The following LRRC4C variants were observed in gnomAD, a reference collection of about 807,000 sequenced individuals.
The protein encoded by LRRC4C is leucine rich repeat containing 4C, also known as leucine-rich repeat-containing protein 4C.
LRRC4C carries 5 observed loss-of-function variants against 33.6 expected under a neutral mutation model. That is an observed-to-expected ratio of 0.15 (90% CI 0.08 to 0.31). The LOEUF is 0.31. Ranked by LOEUF, LRRC4C falls within the 10% of genes least tolerant of loss-of-function variation. The pLI is 1.00. For synonymous variants in LRRC4C, 329 were observed against 302.0 expected (o/e 1.09, Z -0.93); for missense variants, 560 against 796.7 (o/e 0.70, Z 3.58).
chr11:41,413,186 A>G (rs1954554179), intron 1 of LRRC4C, among the ~76,000 whole-genome samples: 1 of 152,192 alleles, frequency 6.6e-6, no homozygotes, highest in Non-Finnish European at 1.5e-5. Flanking sequence ...CTGTTCATAC[A>G]AGGAATGGAA....
At chr11:40,239,650 C>A (rs1338312676) in intron 5 of LRRC4C, among the ~76,000 whole-genome samples, 1 of 152,168 alleles carries the variant, frequency 6.6e-6, no homozygotes, top group African/African-American at 2.4e-5. Flanking sequence ...CTCTCTAGAT[C>A]CTGTTTATTC....
intron 1 of LRRC4C, among the ~76,000 whole-genome samples, chr11:41,365,451 T>C (rs925149210): frequency 1.3e-5 from 2 of 152,108 alleles, no homozygotes; most frequent in Admixed American, 6.6e-5. Flanking sequence ...ACTTGAATTA[T>C]CTCAACAACA....
chr11:41,402,741 A>C (rs1954073036), intron 1 of LRRC4C, among the ~76,000 whole-genome samples: 1 of 152,032 alleles, frequency 6.6e-6, no homozygotes, highest in African/African-American at 2.4e-5. Context: ...GTAAATACCA[A>C]GAAACAGGGC....
chr11:41,011,649 C>G (rs566406172), intron 1 of LRRC4C, among the ~76,000 whole-genome samples: 1 of 151,844 alleles, frequency 6.6e-6, no homozygotes, highest in South Asian at 2.1e-4. Context: ...CAACTGGCCA[C>G]GTACTCCAAA....
chr11:40,724,960 G>A (rs538293443), intron 2 of LRRC4C, among the ~76,000 whole-genome samples: 1 of 152,118 alleles, frequency 6.6e-6, no homozygotes, highest in Non-Finnish European at 1.5e-5. Context: ...AAGACCCCAC[G>A]AATCTCACAT....
intron 2 of LRRC4C, among the ~76,000 whole-genome samples, chr11:40,844,286 CTATT>C (rs1367098631): frequency 6.6e-6 from 1 of 151,672 alleles, no homozygotes; most frequent in Non-Finnish European, 1.5e-5. Flanking sequence ...TGAATCAGTG[CTATT>C]TATTTGTTAA....
chr11:40,610,017 A>C (rs2135875110), intron 3 of LRRC4C, among the ~76,000 whole-genome samples: 1 of 152,152 alleles, frequency 6.6e-6, no homozygotes, highest in African/African-American at 2.4e-5. Context: ...ATCGAAAAAG[A>C]GGCAACAGTT....
chr11:41,016,963 C>G (rs1188615026), intron 1 of LRRC4C, among the ~76,000 whole-genome samples: 3 of 152,150 alleles, frequency 2.0e-5, no homozygotes, highest in Non-Finnish European at 4.4e-5. Context: ...TCATACAACT[C>G]GGATAATTTT....
intron 2 of LRRC4C, among the ~76,000 whole-genome samples, chr11:40,928,826 G>C (rs1957496364): frequency 6.6e-6 from 1 of 151,986 alleles, no homozygotes; most frequent in South Asian, 2.1e-4. Context: ...AATAATAATT[G>C]TTCTATGCTA....
At chr11:40,536,145 T>C (rs1039556673) in intron 3 of LRRC4C, among the ~76,000 whole-genome samples, 2 of 152,190 alleles carry the variant, frequency 1.3e-5, no homozygotes, top group African/African-American at 2.4e-5. Context: ...GGCTCTTCCC[T>C]AGAATTCATA....
chr11:40,966,028 A>G (rs1042949257), intron 1 of LRRC4C, among the ~76,000 whole-genome samples: 3 of 151,866 alleles, frequency 2.0e-5, no homozygotes, highest in African/African-American at 4.8e-5. Context: ...ATTTGTTTGT[A>G]TCCTCTTTTA....
intron 3 of LRRC4C, among the ~76,000 whole-genome samples, chr11:40,509,349 A>T (rs928450209): frequency 6.6e-6 from 1 of 152,178 alleles, no homozygotes; most frequent in African/African-American, 2.4e-5. Flanking sequence ...TGTTAACAGT[A>T]AATTTAAATG....
At chr11:40,543,892 T>C (rs141881974) in intron 3 of LRRC4C, among the ~76,000 whole-genome samples, 1,850 of 152,156 alleles carry the variant, frequency 0.012, 11 homozygotes, top group Middle Eastern at 0.041. Flanking sequence ...AGAAGATAAA[T>C]TCCTGGAAAC....
At chr11:40,912,857 C>T (rs1956765211) in intron 2 of LRRC4C, among the ~76,000 whole-genome samples, 4 of 151,966 alleles carry the variant, frequency 2.6e-5, no homozygotes. Flanking sequence ...GGAAGATCTA[C>T]CAAGCCAATG....
At chr11:40,994,456 G>T (rs925180384) in intron 1 of LRRC4C, among the ~76,000 whole-genome samples, 1 of 152,120 alleles carries the variant, frequency 6.6e-6, no homozygotes, top group African/African-American at 2.4e-5. Context: ...GTGTTCATTT[G>T]CAATTAACAT....
At chr11:40,583,636 T>C (rs988128653) in intron 3 of LRRC4C, among the ~76,000 whole-genome samples, 9 of 152,264 alleles carry the variant, frequency 5.9e-5, no homozygotes, top group Non-Finnish European at 1.2e-4. Flanking sequence ...GAGTTCTTTC[T>C]GCCTCTCTGC....
At chr11:40,449,041 T>C (rs923240545) in intron 3 of LRRC4C, among the ~76,000 whole-genome samples, 4 of 152,360 alleles carry the variant, frequency 2.6e-5, no homozygotes, top group East Asian at 1.9e-4. Flanking sequence ...GCTGCATAAA[T>C]GTCTTCTTTT....
rs1482026942 is a variant in LRRC4C at position 40,381,953 on chromosome 11, C to CG, written c.-269-62233dup. On this transcript the variant is annotated intron_variant, in intron 3 of 6. Coordinates refer to ENST00000528697, the MANE Select transcript of LRRC4C (RefSeq NM_001258419.2). ...TATGGACAAAATGTTTATCAGTCAG[C>CG]GTTTTTTTTTTTTTTTTTTTTTTGA... Among the ~76,000 whole-genome samples, 3 of 99,076 alleles carry CG rather than the reference C, an allele frequency of 3.0e-5. No individual in the cohort carries two copies. The Admixed American group carries it at 3.4e-4, about 11-fold the overall frequency. 65.0% of individuals were successfully genotyped at this position (99,076 alleles called of 152,430 possible).
At chr11:41,035,761 T>G (rs1171865261) in intron 1 of LRRC4C, among the ~76,000 whole-genome samples, 1 of 152,140 alleles carries the variant, frequency 6.6e-6, no homozygotes, top group Non-Finnish European at 1.5e-5. Context: ...GAGCTAAGTA[T>G]TTTTAGACAA....
Sources: gnomAD v4.1 joint callset for allele counts (sites outside exome capture counted in the v4.1 genomes callset) on GRCh38, gnomAD v4.1.1 for gene constraint, MANE v1.5 for transcripts, NCBI Gene and HGNC (gene_info 2026-07-23, HGNC 2026-07-21) for gene names.